Variants in CACNA1S observed in about 807,000 individuals in gnomAD.
CACNA1S encodes calcium voltage-gated channel subunit alpha1 S, also known as voltage-dependent L-type calcium channel subunit alpha-1S.
CACNA1S carries 126 observed loss-of-function variants against 207.4 expected under a neutral mutation model. That is an observed-to-expected ratio of 0.61 (90% CI 0.53 to 0.70). The LOEUF (loss-of-function observed/expected upper bound fraction) is 0.70, where lower values mean the gene tolerates loss of function less well. CACNA1S is among the 30% of genes least tolerant of loss of function. The pLI is 0.00. For missense variants in CACNA1S, 2,349 were observed against 2,422.8 expected, an observed-to-expected ratio of 0.97 and a Z score of 0.64; for synonymous variants, 960 against 932.7, an observed-to-expected ratio of 1.03 and a Z score of -0.53.
chr1:201,060,838 A>G, intron 25 of CACNA1S, 22 bp from the exon 26 acceptor site: 3 of 1,613,966 alleles, frequency 1.9e-6, no homozygotes, highest in Non-Finnish European at 2.5e-6. Context: ...ACAACAGGAC[A>G]GGTCAGCACC....
intron 39 of CACNA1S, 66 bp downstream of exon 39, chr1:201,044,261 TC>T: frequency 6.2e-7 from 1 of 1,602,130 alleles, no homozygotes; most frequent in Non-Finnish European, 8.5e-7. Flanking sequence ...CTCCCAGCCC[TC>T]CTCTCTGTGA....
rs571114435 is a variant in CACNA1S, at chr1:201,091,987, C to A, written c.526G>T (p.Val176Leu). The A allele has an allele frequency of 6.2e-7, 1 of 1,614,164 alleles. No homozygotes were observed. The highest frequency in any genetic ancestry group is 2.2e-5 in the East Asian group (1 of 44,866). Residue 176 changes from valine to leucine, a missense_variant, in exon 4 of 44, where the codon GTG becomes TTG. Transcript: ENST00000362061. ...AFRVLRPLRLVSGVPSLQVVL... is the reference protein window; with the variant it reads ...AFRVLRPLRLLSGVPSLQVVL... ...TGCCACCCACTAGGCACCCCCGACA[C>A]CAGCCGGAGGGGTCTGAGCACTCGG...
At chr1:201,100,343 G>A (rs909056842) in intron 2 of CACNA1S, among the ~76,000 whole-genome samples, 3 of 152,206 alleles carry the variant, frequency 2.0e-5, no homozygotes, top group Non-Finnish European at 4.4e-5. Flanking sequence ...CTGGTAGGCC[G>A]GCCTGATGTG....
intron 10 of CACNA1S, 47 bp from the exon 11 acceptor site, chr1:201,078,151 C>G (rs776764912): frequency 1.7e-5 from 24 of 1,446,288 alleles, no homozygotes; most frequent in Non-Finnish European, 2.2e-5. Flanking sequence ...CTTCCCTTCT[C>G]CTGACTCCCA....
intron 2 of CACNA1S, among the ~76,000 whole-genome samples, chr1:201,101,727 T>C (rs2102178744): frequency 2.0e-5 from 3 of 152,332 alleles, no homozygotes; most frequent in Admixed American, 2.0e-4. Flanking sequence ...GGCAGGCTGC[T>C]GCCTTGTGTC....
chr1:201,059,143 C>T (rs746448829), intron 27 of CACNA1S, 46 bp downstream of exon 27: 5 of 1,272,548 alleles, frequency 3.9e-6, no homozygotes, highest in East Asian at 4.6e-5. Context: ...AAGGTCCCAC[C>T]CACCAGCCCC....
rs1290195954 is a variant in CACNA1S at position 201,091,952 on chromosome 1, G to A, written c.541+20C>T. The A allele has an allele frequency of 1.9e-6, 3 of 1,613,812 alleles. No homozygotes were observed. The highest frequency in any genetic ancestry group is 2.5e-6 in the Non-Finnish European group (3 of 1,179,886). On this transcript the variant is annotated intron_variant, in intron 4 of 43. Transcript: ENST00000362061. ...AGGAAGGGAGAGGAGAAAGGGGTCT[G>A]CAGGGACACTGCCACCCACTAGGCA...
intron 2 of CACNA1S, among the ~76,000 whole-genome samples, chr1:201,102,567 C>G (rs549968546): frequency 6.6e-6 from 1 of 152,172 alleles, no homozygotes; most frequent in South Asian, 2.1e-4. Flanking sequence ...ACAGTCATAC[C>G]CATACCCAAC....
intron 18 of CACNA1S, 120 bp downstream of exon 18, chr1:201,069,352 C>A (rs570567653): frequency 6.7e-7 from 1 of 1,499,174 alleles, no homozygotes; most frequent in East Asian, 2.3e-5. Flanking sequence ...CCCTGAGGAA[C>A]TGAACTCTAA....
At chr1:201,098,615 G>T (rs949268454) in intron 2 of CACNA1S, among the ~76,000 whole-genome samples, 2 of 152,172 alleles carry the variant, frequency 1.3e-5, no homozygotes, top group Non-Finnish European at 2.9e-5. Flanking sequence ...TATGTTTGTT[G>T]AATAAATGAA....
At position 201,058,444 on chromosome 1, in the gene CACNA1S, A is replaced by G; in HGVS notation, c.3573T>C (p.Ile1191=). Residue 1191 remains isoleucine (I), a synonymous_variant, in exon 28 of 44, where the codon ATT becomes ATC. Transcript: ENST00000362061. ...TGAGGATGACATCAATGATGCTGCC[A>G]ATGACAATCAGGAAGTCAAACACAT... ...PWNVFDFLIV[I]GSIIDVILSE... 6.2e-7 allele frequency: 1 copy of G among 1,614,210 alleles called. No homozygotes were observed. Among genetic ancestry groups the G allele is most frequent in the Non-Finnish European group, 8.5e-7 (1 of 1,180,024 alleles).
Position 201,061,272 on chromosome 1 carries a change from T to G in CACNA1S, c.3250A>C (p.Asn1084His). 6.2e-7 allele frequency: 1 copy of G among 1,614,128 alleles called. No homozygotes were observed. Among genetic ancestry groups the G allele is most frequent in the Non-Finnish European group, 8.5e-7 (1 of 1,179,976 alleles). ...TEYKNCELDK[N>H]QRQCVQYALK... ...CTGGCAGGCAGCCCAGGCACCTGGT[T>G]CTTGTCCAGCTCACAGTTCTTGTAC... Residue 1084 changes from asparagine (N) to histidine (H), a missense_variant, in exon 25 of 44, where the codon AAC becomes CAC. By Grantham distance (68) the Asn-to-His change is moderately conservative. Transcript: ENST00000362061.
chr1:201,052,428 G>A, intron 32 of CACNA1S, 129 bp downstream of exon 32: 1 of 742,360 alleles, frequency 1.3e-6, no homozygotes, highest in Non-Finnish European at 2.5e-6. Flanking sequence ...ACCCTTCTGA[G>A]TATAGGACCC....
chr1:201,053,255 A>G lies in CACNA1S; in HGVS notation c.3815T>C (p.Leu1272Pro). 1 of 1,614,224 alleles carries G rather than the reference A, an allele frequency of 6.2e-7. No homozygotes were observed. Among genetic ancestry groups the G allele is most frequent in the South Asian group, 1.1e-5 (1 of 91,088 alleles). ...GATGAAGAAGAGCATGACGATGAGC[A>G]GAGCCACGTAGGGTAGGGCCTGCAG... is the stretch of plus-strand genomic sequence containing the variant. ...KSFQALPYVA[L>P]LIVMLFFIYA... The change falls in exon 31 of 44, where the codon CTG becomes CCG. Residue 1272 changes from leucine (L) to proline (P), a missense_variant. By Grantham distance (98) the Leu-to-Pro change is moderately conservative (BLOSUM62 -3). Transcript: ENST00000362061. The surrounding 1 kb of genome is among the most constrained non-coding windows in gnomAD (Gnocchi z 5.1).
chr1:201,102,181 G>A lies in CACNA1S; in HGVS notation c.258+7983C>T, dbSNP rs926827694. 3.3e-5 allele frequency among the ~76,000 whole-genome samples: 5 copies of A among 152,154 alleles called. No homozygotes were observed. The East Asian group carries it at 5.8e-4, about 18-fold the overall frequency. On this transcript the variant is annotated intron_variant, in intron 2 of 43. Coordinates refer to ENST00000362061, the MANE Select transcript of CACNA1S (RefSeq NM_000069.3). ...CTGAAGACAAGAAAGGGGGAGGAGG[G>A]GGTCCTCCTGGAGTCCAGTGCCTGG...
At position 201,081,710 on chromosome 1, in the gene CACNA1S, G is replaced by C. The variant is rs564966306; in HGVS notation, c.1393+1452C>G. Among the ~76,000 whole-genome samples the C allele has an allele frequency of 5.2e-4, 69 of 133,654 alleles. No individual in the cohort carries two copies. The South Asian group carries it at 7.7e-3, about 15-fold the overall frequency. The allele number at this position is 133,654 out of a possible 152,430, so 87.7% of individuals were successfully genotyped here. On this transcript the variant is annotated intron_variant, in intron 10 of 43. Coordinates refer to ENST00000362061, the MANE Select transcript of CACNA1S (RefSeq NM_000069.3). ...CCCAATGCTGGAGCTGGGGCCTGGT[G>C]GGGGGTGTTTGGATTGTGGGGACAG...
chr1:201,072,873 T>G, intron 15 of CACNA1S, 49 bp from the exon 16 acceptor site: 1 of 1,433,364 alleles, frequency 7.0e-7, no homozygotes, highest in African/African-American at 1.4e-5. Context: ...AAGTTGCGGT[T>G]TCCCCTCAAT....
chr1:201,101,888 CAA>C (rs749697405), intron 2 of CACNA1S, among the ~76,000 whole-genome samples: 2 of 143,506 alleles, frequency 1.4e-5, no homozygotes, highest in African/African-American at 2.6e-5. Flanking sequence ...CTAACAAGTC[CAA>C]AAAAAAAAAA....
chr1:201,047,037 G>A (rs1459402533), intron 38 of CACNA1S, 78 bp downstream of exon 38: 2 of 1,584,650 alleles, frequency 1.3e-6, no homozygotes, highest in East Asian at 2.2e-5. Flanking sequence ...GGCCCCTCAA[G>A]GACATGGAAG....
Sources: allele counts gnomAD v4.1 joint callset (sites outside exome capture counted in the v4.1 genomes callset), GRCh38; gene constraint gnomAD v4.1.1; non-coding constraint Gnocchi (gnomAD v3.1); transcripts MANE v1.5; gene names NCBI Gene and HGNC (gene_info 2026-07-23, HGNC 2026-07-21).